ACKR3: variants seen among roughly 807,000 people sequenced by gnomAD.
ACKR3 encodes the protein atypical chemokine receptor 3, also known as C-X-C chemokine receptor type 7.
In ACKR3, 6 loss-of-function variants were observed where a neutral mutation model predicts 22.4. The ratio of observed to expected loss-of-function variants is 0.27; its 90% CI spans 0.15 to 0.53. ACKR3 has a LOEUF of 0.53. ACKR3 is among the 20% of genes least tolerant of loss of function. ACKR3 has a pLI of 0.96. For synonymous variants in ACKR3, 209 were observed against 205.2 expected, an observed-to-expected ratio of 1.02 and a Z score of -0.16; for missense variants, 396 against 475.2, an observed-to-expected ratio of 0.83 and a Z score of 1.55.
the ACKR3 span, among the ~76,000 whole-genome samples, chr2:236,556,919 C>G: frequency 6.6e-6 from 1 of 152,168 alleles, no homozygotes; most frequent in African/African-American, 2.4e-5. Flanking sequence ...AGCTCCTGAC[C>G]TCAGTTGATC....
the ACKR3 span, among the ~76,000 whole-genome samples, chr2:236,554,709 TGGGCACCAGAGCAGGTGCGAGCA>T: frequency 6.6e-6 from 1 of 152,190 alleles, no homozygotes; most frequent in Non-Finnish European, 1.5e-5. Context: ...CTGGGAGAAC[TGGGCACCAGAGCAGGTGCGAGCA>T]GGGCAGGAGC....
At chr2:236,580,361 T>C in intron 1 of ACKR3, 79 bp from the exon 2 acceptor site, 1 of 1,494,442 alleles carries the variant, frequency 6.7e-7, no homozygotes, top group Admixed American at 2.1e-5. Context: ...TGGAAAAGCA[T>C]TTTTGCCTGA....
chr2:236,564,712 G>A (rs1332965849), upstream of ACKR3, among the ~76,000 whole-genome samples: 1 of 151,044 alleles, frequency 6.6e-6, no homozygotes, highest in Non-Finnish European at 1.5e-5. Flanking sequence ...AACACCCTCT[G>A]CTATAGGTTT....
chr2:236,547,815 A>G, the ACKR3 span, among the ~76,000 whole-genome samples: 2 of 150,340 alleles, frequency 1.3e-5, no homozygotes, highest in Non-Finnish European at 3.0e-5. Context: ...TGCTTTTAAG[A>G]TCTTCCCTCT....
At chr2:236,560,316 C>CTTTTTTTTTTTT in the ACKR3 span, among the ~76,000 whole-genome samples, 6 of 118,914 alleles carry the variant, frequency 5.0e-5, 2 homozygotes, top group Admixed American at 1.7e-4. Flanking sequence ...CACTTGTTGC[C>CTTTTTTTTTTTT]TTTTTTTTTT....
At chr2:236,562,649 T>C in the ACKR3 span, among the ~76,000 whole-genome samples, 3 of 151,940 alleles carry the variant, frequency 2.0e-5, no homozygotes, top group Admixed American at 6.6e-5. Context: ...GACTATGAGC[T>C]ATTTGTTATT....
upstream of ACKR3, among the ~76,000 whole-genome samples, chr2:236,566,197 C>T (rs1440849346): frequency 2.0e-5 from 3 of 152,318 alleles, no homozygotes; most frequent in East Asian, 3.9e-4. Context: ...CAGAGCTGAC[C>T]ACCTGCCCTG....
chr2:236,572,949 A>G (rs1691338800), intron 1 of ACKR3, among the ~76,000 whole-genome samples: 1 of 152,248 alleles, frequency 6.6e-6, no homozygotes. Context: ...AGTAATTCAA[A>G]GCAGTTATGT....
In ACKR3 at chr2:236,581,656, C is replaced by A. The variant is rs571525641; in HGVS notation, c.*102C>A. Reference sequence around the variant, plus strand: ...AGCAAAGTAGCTTCGGGTCTTGATGCTTGAGTAGAGTGAAGAGGGGAGCAC... The same window carrying A: ...AGCAAAGTAGCTTCGGGTCTTGATGATTGAGTAGAGTGAAGAGGGGAGCAC... On this transcript the variant is annotated 3_prime_UTR_variant, in exon 2 of 2. Transcript: ENST00000272928. This position sits in a 1 kb window ranked among gnomAD's most constrained non-coding sequence, Gnocchi z 4.4. 9 of 1,440,602 alleles carry A rather than the reference C, an allele frequency of 6.2e-6. No individual in the cohort carries two copies. In the African/African-American group the frequency reaches 1.0e-4, roughly 16 times the overall value. The allele number at this position is 1,440,602 out of a possible 1,614,324, so 89.2% of individuals were successfully genotyped here.
chr2:236,544,627 A>G, the ACKR3 span, among the ~76,000 whole-genome samples: 1 of 152,204 alleles, frequency 6.6e-6, no homozygotes, highest in Non-Finnish European at 1.5e-5. This position sits in a 1 kb window ranked among gnomAD's most constrained non-coding sequence, Gnocchi z 5.0. Context: ...AGGGACGAGC[A>G]GATGTTGAAG....
Position 236,580,547 on chromosome 2 carries a change from G to T in ACKR3, c.82G>T (p.Val28Leu). The T allele has an allele frequency of 6.2e-7, 1 of 1,614,214 alleles. No individual in the cohort carries two copies. Among genetic ancestry groups the T allele is most frequent in the Non-Finnish European group, 8.5e-7 (1 of 1,180,046 alleles). Residue 28 changes from valine to leucine, a missense_variant, in exon 2 of 2, where the codon GTG (valine) becomes TTG (leucine). Physicochemically the swap from Val to Leu is conservative, Grantham distance 32 (BLOSUM62 1). Coordinates refer to ENST00000272928, the MANE Select transcript of ACKR3 (RefSeq NM_020311.3). ...SWPCNSSDCI[V>L]VDTVMCPNMP... ...GCCATGCAACAGCAGCGACTGCATC[G>T]TGGTGGACACGGTGATGTGTCCCAA... is the stretch of plus-strand genomic sequence containing the variant.
At position 236,581,498 on chromosome 2, in the gene ACKR3, G is replaced by A. The variant is rs1004885299; in HGVS notation, c.1033G>A (p.Asp345Asn). ...SAKTGLTKLI[D>N]ASRVSETEYS... The stretch of plus-strand genomic sequence containing the variant: ...CAAAACAGGGCTCACCAAGCTCATC[G>A]ATGCCTCCAGAGTCTCAGAGACGGA... Residue 345 changes from aspartate (D) to asparagine (N), a missense_variant, in exon 2 of 2, where the codon GAT becomes AAT. Transcript: ENST00000272928. The surrounding 1 kb of genome is among the most constrained non-coding windows in gnomAD (Gnocchi z 4.4). 5 of 1,614,038 alleles carry A rather than the reference G, an allele frequency of 3.1e-6. No homozygotes were observed. In the Admixed American group the frequency reaches 5.0e-5, roughly 16 times the overall value.
chr2:236,575,779 A>T (rs571562438), intron 1 of ACKR3, among the ~76,000 whole-genome samples: 1 of 152,244 alleles, frequency 6.6e-6, no homozygotes, highest in South Asian at 2.1e-4. Flanking sequence ...CAGCTGTATT[A>T]TATTCCAGAT....
At chr2:236,559,693 G>C in the ACKR3 span, among the ~76,000 whole-genome samples, 1 of 152,150 alleles carries the variant, frequency 6.6e-6, no homozygotes, top group African/African-American at 2.4e-5. Context: ...CTCCTCCAGT[G>C]GGAACACAAA....
At chr2:236,578,676 G>A (rs1691462231) in intron 1 of ACKR3, among the ~76,000 whole-genome samples, 1 of 152,240 alleles carries the variant, frequency 6.6e-6, no homozygotes, top group Non-Finnish European at 1.5e-5. Flanking sequence ...GTCCTCTGCT[G>A]TGAATGTGGA....
the ACKR3 span, among the ~76,000 whole-genome samples, chr2:236,551,262 A>G: frequency 6.6e-6 from 1 of 152,172 alleles, no homozygotes; most frequent in East Asian, 1.9e-4. Flanking sequence ...CTCAGGCTTC[A>G]TGCCCCAAGC....
chr2:236,568,197 C>A (rs1004739822), upstream of ACKR3, among the ~76,000 whole-genome samples: 28 of 152,228 alleles, frequency 1.8e-4, no homozygotes, highest in African/African-American at 6.5e-4. Context: ...TGTGTTTCCA[C>A]CGGGCGCGCA....
chr2:236,561,512 C>CT, the ACKR3 span, among the ~76,000 whole-genome samples: 261 of 145,694 alleles, frequency 1.8e-3, 1 homozygote, highest in Middle Eastern at 0.014. Flanking sequence ...ACACAATTGA[C>CT]TTTTTTTTTT....
upstream of ACKR3, among the ~76,000 whole-genome samples, chr2:236,568,201 G>T (rs1467856191): frequency 6.6e-6 from 1 of 152,252 alleles, no homozygotes; most frequent in African/African-American, 2.4e-5. Context: ...TTTCCACCGG[G>T]CGCGCAGGCT....
Sources: allele counts gnomAD v4.1 joint callset (sites outside exome capture counted in the v4.1 genomes callset), GRCh38; gene constraint gnomAD v4.1.1; non-coding constraint Gnocchi (gnomAD v3.1); transcripts MANE v1.5; gene names NCBI Gene and HGNC (gene_info 2026-07-23, HGNC 2026-07-21).